The following RAD51B variants were observed in gnomAD, a reference collection of about 807,000 sequenced individuals.
RAD51B encodes the protein DNA repair protein RAD51 homolog 2.
RAD51B carries 38 observed loss-of-function variants against 42.2 expected under a neutral mutation model. The ratio of observed to expected loss-of-function variants is 0.90; its 90% CI spans 0.70 to 1.18. The LOEUF is 1.18. RAD51B is among the 50% of genes most tolerant of loss of function. The pLI is 0.00. For missense variants in RAD51B, 373 were observed against 400.7 expected, an observed-to-expected ratio of 0.93 and a Z score of 0.59; for synonymous variants, 154 against 145.2, an observed-to-expected ratio of 1.06 and a Z score of -0.43.
intron 7 of RAD51B, among the ~76,000 whole-genome samples, chr14:68,034,710 C>A (rs570364727): frequency 5.3e-5 from 8 of 151,970 alleles, no homozygotes; most frequent in Admixed American, 1.3e-4. Context: ...ATACAAATAC[C>A]ACTTTTAGCA....
At chr14:68,441,092 G>A (rs2085274703) in intron 9 of RAD51B, among the ~76,000 whole-genome samples, 2 of 152,212 alleles carry the variant, frequency 1.3e-5, no homozygotes, top group South Asian at 4.1e-4. Context: ...TGTAACTACA[G>A]TTTCTGTGTC....
intron 4 of RAD51B, among the ~76,000 whole-genome samples, chr14:67,852,182 A>T (rs1232294772): frequency 6.6e-6 from 1 of 152,216 alleles, no homozygotes. Flanking sequence ...CAGAGTGCTC[A>T]GTTGGTGGTG....
At chr14:68,305,080 A>G (rs1357951220) in intron 8 of RAD51B, among the ~76,000 whole-genome samples, 1 of 152,242 alleles carries the variant, frequency 6.6e-6, no homozygotes, top group Non-Finnish European at 1.5e-5. Flanking sequence ...TTTTTAAAAT[A>G]TGAAGTGGGT....
At chr14:68,201,384 G>A (rs2079482562) in intron 7 of RAD51B, among the ~76,000 whole-genome samples, 1 of 152,192 alleles carries the variant, frequency 6.6e-6, no homozygotes, top group African/African-American at 2.4e-5. Context: ...TCATTAACCT[G>A]AAGTACTCAT....
chr14:67,928,730 G>A (rs746706640), intron 7 of RAD51B, among the ~76,000 whole-genome samples: 1 of 151,684 alleles, frequency 6.6e-6, no homozygotes, highest in Non-Finnish European at 1.5e-5. Flanking sequence ...TCTTTAAGCC[G>A]CCTTTTCTGT....
chr14:68,225,486 A>C (rs2080018667), intron 7 of RAD51B, among the ~76,000 whole-genome samples: 1 of 152,252 alleles, frequency 6.6e-6, no homozygotes, highest in Admixed American at 6.5e-5. Flanking sequence ...TTTACAACCC[A>C]AAGCATGATT....
intron 7 of RAD51B, among the ~76,000 whole-genome samples, chr14:67,970,952 C>T (rs1566985156): frequency 6.6e-6 from 1 of 151,992 alleles, no homozygotes; most frequent in Non-Finnish European, 1.5e-5. Flanking sequence ...CAGTTGATTG[C>T]CTCAAGTTCA....
At chr14:68,046,231 C>G (rs2076297674) in intron 7 of RAD51B, among the ~76,000 whole-genome samples, 1 of 152,186 alleles carries the variant, frequency 6.6e-6, no homozygotes, top group Admixed American at 6.5e-5. Flanking sequence ...TCAAGCAATC[C>G]TCTCACTTCA....
At chr14:68,405,841 A>G (rs1195591505) in intron 8 of RAD51B, among the ~76,000 whole-genome samples, 1 of 151,712 alleles carries the variant, frequency 6.6e-6, no homozygotes, top group East Asian at 1.9e-4. Context: ...AAAAAAAAAA[A>G]AAAAAAAAAA....
At chr14:68,300,553 A>T (rs2081707993) in intron 8 of RAD51B, among the ~76,000 whole-genome samples, 2 of 152,204 alleles carry the variant, frequency 1.3e-5, no homozygotes, top group Admixed American at 6.6e-5. Context: ...ACCTATCACT[A>T]GTCCATGCCA....
intron 10 of RAD51B, among the ~76,000 whole-genome samples, chr14:68,543,247 G>A (rs1020225100): frequency 9.9e-5 from 15 of 152,176 alleles, no homozygotes; most frequent in Admixed American, 9.8e-4. Context: ...TCCTTGGGCT[G>A]TAGTTTGCCA....
At chr14:67,913,949 TG>T (rs1477943411) in intron 7 of RAD51B, among the ~76,000 whole-genome samples, 1 of 152,062 alleles carries the variant, frequency 6.6e-6, no homozygotes, top group Non-Finnish European at 1.5e-5. Flanking sequence ...TCCCAACCTC[TG>T]GTAACCATCA....
chr14:68,252,707 A>G (rs921584735), intron 7 of RAD51B, among the ~76,000 whole-genome samples: 1 of 152,174 alleles, frequency 6.6e-6, no homozygotes, highest in East Asian at 1.9e-4. Context: ...ATTGATGGAT[A>G]TTTAGGTGGC....
chr14:67,927,024 G>A (rs1199929248), intron 7 of RAD51B, among the ~76,000 whole-genome samples: 1 of 152,120 alleles, frequency 6.6e-6, no homozygotes, highest in African/African-American at 2.4e-5. Flanking sequence ...TTTATACTGT[G>A]ATATTATTTC....
At chr14:68,482,384 G>C (rs776114753), downstream of RAD51B, among the ~76,000 whole-genome samples, 9 of 152,144 alleles carry the variant, frequency 5.9e-5, no homozygotes, top group Non-Finnish European at 1.3e-4. Flanking sequence ...TAGGTTGTGT[G>C]TTGTGAACAA....
intron 10 of RAD51B, among the ~76,000 whole-genome samples, chr14:68,472,327 T>C (rs1046004959): frequency 2.6e-5 from 4 of 152,148 alleles, no homozygotes; most frequent in African/African-American, 7.2e-5. Flanking sequence ...GATTCTGTCA[T>C]TGAAAGCAGC....
At chr14:68,482,497 G>A (rs941767440), downstream of RAD51B, among the ~76,000 whole-genome samples, 4 of 152,170 alleles carry the variant, frequency 2.6e-5, no homozygotes, top group Non-Finnish European at 5.9e-5. Context: ...TAGGTAATGG[G>A]AGAAAAGTGA....
chr14:68,458,939 G>A (rs2085773256), intron 9 of RAD51B, among the ~76,000 whole-genome samples: 2 of 152,142 alleles, frequency 1.3e-5, no homozygotes, highest in Non-Finnish European at 2.9e-5. Flanking sequence ...TGCTCTGCCC[G>A]CATAATCCTG....
intron 10 of RAD51B, chr14:68,563,615 A>C: frequency 1.0e-6 from 1 of 985,432 alleles, no homozygotes; most frequent in Non-Finnish European, 1.2e-6. Flanking sequence ...GCTGCCTGCA[A>C]GGGGTGAGAT....
Sources: gnomAD v4.1 joint callset for allele counts (sites outside exome capture counted in the v4.1 genomes callset) on GRCh38, gnomAD v4.1.1 for gene constraint, MANE v1.5 for transcripts, NCBI Gene and HGNC (gene_info 2026-07-23, HGNC 2026-07-21) for gene names.